The following CKAP4 variants were observed in gnomAD, a reference collection of about 807,000 sequenced individuals.
The protein encoded by CKAP4 is cytoskeleton associated protein 4, also known as cytoskeleton-associated protein 4.
A neutral mutation model predicts 24.4 loss-of-function variants in CKAP4; 20 were observed. The ratio of observed to expected loss-of-function variants is 0.82; its 90% CI spans 0.58 to 1.19. The LOEUF (loss-of-function observed/expected upper bound fraction) is 1.19, where lower values mean the gene tolerates loss of function less well. CKAP4 is among the 50% of genes most tolerant of loss of function. The pLI is 0.00. For synonymous variants in CKAP4, 378 were observed against 351.7 expected (o/e 1.07, Z -0.84); for missense variants, 744 against 765.3 (o/e 0.97, Z 0.33).
rs191134550 is a variant in CKAP4, at chr12:106,238,776, T to C, written c.*248A>G. On this transcript the variant is annotated 3_prime_UTR_variant, in exon 2 of 2. Transcript: ENST00000378026. ...ATTTTTCTCTGACTAGAGACATCCA[T>C]GAAAAGCCACCTGTTATTCACAGGG... 1.2e-3 allele frequency: 576 copies of C among 482,818 alleles called. 4 individuals are homozygous for C. Among genetic ancestry groups the C allele is most frequent in the African/African-American group, 0.01 (525 of 51,938 alleles). The allele number at this position is 482,818 out of a possible 1,614,324, so 29.9% of individuals were successfully genotyped here.
At position 106,247,796 on chromosome 12, in the gene CKAP4, G is replaced by T. The variant is rs1403166282; in HGVS notation, c.56C>A (p.Ser19Ter). The T allele has an allele frequency of 9.5e-7, 1 of 1,052,434 alleles. No individual in the cohort carries two copies. The highest frequency in any genetic ancestry group is 4.5e-4 in the Middle Eastern group (1 of 2,220). 65.2% of individuals were successfully genotyped at this position (1,052,434 alleles called of 1,614,324 possible). The change falls in exon 1 of 2, where the codon TCG (serine) becomes TAG (stop). Residue 19 changes from serine to a stop codon, truncating the protein, a stop_gained. Coordinates refer to ENST00000378026, the MANE Select transcript of CKAP4 (RefSeq NM_006825.4). LOFTEE classifies it high-confidence loss of function. The surrounding 1 kb of genome is among the most constrained non-coding windows in gnomAD (Gnocchi z 4.5). ...GCCCGACGGGTGGGCACCCTTCTCC[G>T]AGGGGCTCGCGGCGCCGTGGCCGCC... is the stretch of plus-strand genomic sequence containing the variant. ...SKGGHGAASP[S>*]EKGAHPSGGA...
chr12:106,245,597 T>TC lies in CKAP4; in HGVS notation c.483+1771_483+1772insG, dbSNP rs895104152. On this transcript the variant is annotated intron_variant, in intron 1 of 1. Transcript: ENST00000378026. ...CAGTTGCTCTGCCAGTCTTTTTTTT[T>TC]TTTTTTTTTTTTTTTGAGACGGAGT... 1.4e-5 allele frequency: 2 copies of TC among 143,678 alleles called. 1 individual carries two copies. The highest frequency in any genetic ancestry group is 5.3e-5 in the African/African-American group (2 of 38,060). 8.9% of individuals were successfully genotyped at this position (143,678 alleles called of 1,614,324 possible).
Position 106,239,132 on chromosome 12 carries a change from T to C in CKAP4, c.1701A>G (p.Ile567Met), listed in dbSNP as rs754501083. The C allele has an allele frequency of 1.9e-6, 3 of 1,613,948 alleles. No individual in the cohort carries two copies. Among genetic ancestry groups the C allele is most frequent in the Admixed American group, 3.3e-5 (2 of 60,010 alleles). ...VDSLVAYSVKIETNENNLESA... is the reference protein window; with the variant it reads ...VDSLVAYSVKMETNENNLESA... ...ATTCCAGATTGTTCTCGTTGGTTTC[T>C]ATTTTGACCGAGTATGCAACCAAAC... Residue 567 changes from isoleucine to methionine, a missense_variant, in exon 2 of 2, where the codon ATA becomes ATG. Transcript: ENST00000378026. The surrounding 1 kb of genome is among the most constrained non-coding windows in gnomAD (Gnocchi z 4.9).
In CKAP4 at chr12:106,243,967, T is replaced by G. The variant is rs1214691420; in HGVS notation, c.483+3402A>C. On this transcript the variant is annotated intron_variant, in intron 1 of 1. Transcript: ENST00000378026. ...TAGTGAACAGTAATTATGAATACTG[T>G]AAGTATACTTCCCTGCTATGAACCA... Among the ~76,000 whole-genome samples the G allele has an allele frequency of 2.6e-5, 4 of 152,196 alleles. No homozygotes were observed. In the East Asian group the frequency reaches 5.8e-4, roughly 22 times the overall value.
At chr12:106,243,296 G>A (rs1208408490) in intron 1 of CKAP4, among the ~76,000 whole-genome samples, 1 of 152,188 alleles carries the variant, frequency 6.6e-6, no homozygotes, top group Non-Finnish European at 1.5e-5. Flanking sequence ...TAAGTGGTAG[G>A]CTCAAACGTT....
chr12:106,244,670 G>T (rs2033993123), intron 1 of CKAP4, among the ~76,000 whole-genome samples: 1 of 152,132 alleles, frequency 6.6e-6, no homozygotes, highest in African/African-American at 2.4e-5. Context: ...CATGCCTGTG[G>T]TCCCAGCTAC....
rs185798200 is a variant in CKAP4, at chr12:106,239,029, C to T, written c.1804G>A (p.Val602Ile). The stretch of plus-strand genomic sequence containing the variant: ...GCCCTGCACACGCAATTCATTTAGA[C>T]CTTTTCGTGAATCTTCTCCACTTTC... ...FVKVEKIHEK[V>I] Residue 602 changes from valine to isoleucine, a missense_variant, in exon 2 of 2, where the codon GTC (valine) becomes ATC (isoleucine). Physicochemically the swap from Val to Ile is conservative, Grantham distance 29 (BLOSUM62 3). Transcript: ENST00000378026. This position sits in a 1 kb window ranked among gnomAD's most constrained non-coding sequence, Gnocchi z 4.9. 1 of 1,612,978 alleles carries T rather than the reference C, an allele frequency of 6.2e-7. No individual in the cohort carries two copies. Among genetic ancestry groups the T allele is most frequent in the Non-Finnish European group, 8.5e-7 (1 of 1,179,096 alleles).
rs1565948138 is a variant in CKAP4, at chr12:106,239,198, T to A, written c.1635A>T (p.Gln545His). Residue 545 changes from glutamine to histidine, a missense_variant, in exon 2 of 2, where the codon CAA becomes CAT. Around this residue, in one of 3 missense-constraint regions of CKAP4, gnomAD observed 401 missense variants for 424.5 expected, o/e 0.94. Coordinates refer to ENST00000378026, the MANE Select transcript of CKAP4 (RefSeq NM_006825.4). This position sits in a 1 kb window ranked among gnomAD's most constrained non-coding sequence, Gnocchi z 4.9. The stretch of plus-strand genomic sequence containing the variant: ...TGAGCATTTTCAAGTCCGCCTCCAC[T>A]TGGCTGACTGAGGCTTTCAGGTTGT... Reference protein sequence around the residue: ...SLDNLKASVSQVEADLKMLRT... With the variant: ...SLDNLKASVSHVEADLKMLRT... 1 of 1,614,184 alleles carries A rather than the reference T, an allele frequency of 6.2e-7. No individual in the cohort carries two copies. The highest frequency in any genetic ancestry group is 2.2e-5 in the East Asian group (1 of 44,886).
Position 106,238,224 on chromosome 12 carries a change from T to A in CKAP4, c.*800A>T, listed in dbSNP as rs928530376. The stretch of plus-strand genomic sequence containing the variant: ...CCCCCTATTCCACTGTAGACAGCTC[T>A]CCTCACGAATTTTTTGAAAGAACCC... On this transcript the variant is annotated 3_prime_UTR_variant, in exon 2 of 2. Coordinates refer to ENST00000378026, the MANE Select transcript of CKAP4 (RefSeq NM_006825.4). 1 of 152,478 alleles carries A rather than the reference T, an allele frequency of 6.6e-6. No individual in the cohort carries two copies. The highest frequency in any genetic ancestry group is 1.5e-5 in the Non-Finnish European group (1 of 68,030). 9.4% of individuals were successfully genotyped at this position (152,478 alleles called of 1,614,324 possible).
At position 106,239,422 on chromosome 12, in the gene CKAP4, T is replaced by C. The variant is rs758259000; in HGVS notation, c.1411A>G (p.Thr471Ala). The C allele has an allele frequency of 2.5e-6, 4 of 1,601,092 alleles. No individual in the cohort carries two copies. The East Asian group carries it at 8.9e-5, about 36-fold the overall frequency. The change falls in exon 2 of 2, where the codon ACG (threonine) becomes GCG (alanine). Residue 471 changes from threonine to alanine, a missense_variant. Around this residue, in one of 3 missense-constraint regions of CKAP4, gnomAD observed 401 missense variants for 424.5 expected, o/e 0.94. Transcript: ENST00000378026. The surrounding 1 kb of genome is among the most constrained non-coding windows in gnomAD (Gnocchi z 4.9). ...TGGGTCTCGCCCAGGCTCCTCACCG[T>C]GCTGGCCAGGCCATCCTGGTCTGCC... ...SEADQDGLAS[T>A]VRSLGETQLV...
rs1205359459 is a variant in CKAP4 at position 106,247,784 on chromosome 12, G to C, written c.68C>G (p.Ala23Gly). Residue 23 changes from alanine to glycine, a missense_variant, in exon 1 of 2, where the codon GCC (alanine) becomes GGC (glycine). Ala to Gly is a moderately conservative substitution (Grantham distance 60, BLOSUM62 0). Coordinates refer to ENST00000378026, the MANE Select transcript of CKAP4 (RefSeq NM_006825.4). This position sits in a 1 kb window ranked among gnomAD's most constrained non-coding sequence, Gnocchi z 4.5. ...GTCATCCGCGCCGCCCGACGGGTGG[G>C]CACCCTTCTCCGAGGGGCTCGCGGC... ...HGAASPSEKG[A>G]HPSGGADDVA... 1.1e-5 allele frequency: 12 copies of C among 1,057,114 alleles called. No homozygotes were observed. The highest frequency in any genetic ancestry group is 1.2e-5 in the Non-Finnish European group (11 of 880,926). 65.5% of individuals were successfully genotyped at this position (1,057,114 alleles called of 1,614,324 possible).
At chr12:106,243,021 T>TC (rs1351942332) in intron 1 of CKAP4, among the ~76,000 whole-genome samples, 1 of 152,276 alleles carries the variant, frequency 6.6e-6, no homozygotes, top group African/African-American at 2.4e-5. Context: ...AAATATCTGT[T>TC]CCCCCAACAA....
At position 106,240,140 on chromosome 12, in the gene CKAP4, C is replaced by T. The variant is rs1388472198; in HGVS notation, c.693G>A (p.Thr231=). The change falls in exon 2 of 2, where the codon ACG becomes ACA. Residue 231 remains threonine (T), a synonymous_variant. Coordinates refer to ENST00000378026, the MANE Select transcript of CKAP4 (RefSeq NM_006825.4). ...GCTCCTCCACCGTGTTCTCCAGGGACGTGAAGTCCCGCTCCCGGGCGTCCT... is the reference window on the plus strand; with the variant it reads ...GCTCCTCCACCGTGTTCTCCAGGGATGTGAAGTCCCGCTCCCGGGCGTCCT... ...VVKDARERDF[T]SLENTVEERL... The T allele has an allele frequency of 5.6e-6, 9 of 1,614,078 alleles. No homozygotes were observed. Among genetic ancestry groups the T allele is most frequent in the Middle Eastern group, 1.6e-4 (1 of 6,084 alleles).
In CKAP4 at chr12:106,247,785, C is replaced by G; in HGVS notation, c.67G>C (p.Ala23Pro). ...HGAASPSEKG[A>P]HPSGGADDVA... ...TCATCCGCGCCGCCCGACGGGTGGG[C>G]ACCCTTCTCCGAGGGGCTCGCGGCG... Residue 23 changes from alanine to proline, a missense_variant, in exon 1 of 2, where the codon GCC becomes CCC. Physicochemically the swap from Ala to Pro is conservative, Grantham distance 27. Transcript: ENST00000378026. This position sits in a 1 kb window ranked among gnomAD's most constrained non-coding sequence, Gnocchi z 4.5. 9.5e-7 allele frequency: 1 copy of G among 1,057,072 alleles called. No homozygotes were observed. Among genetic ancestry groups the G allele is most frequent in the Non-Finnish European group, 1.1e-6 (1 of 880,788 alleles). 65.5% of individuals were successfully genotyped at this position (1,057,072 alleles called of 1,614,324 possible). A position where few individuals can be genotyped will look rare whatever the true frequency, so the allele number is the denominator to read the frequency against.
chr12:106,242,468 G>A (rs185097494), intron 1 of CKAP4, among the ~76,000 whole-genome samples: 2 of 152,256 alleles, frequency 1.3e-5, no homozygotes, highest in Admixed American at 6.5e-5. Flanking sequence ...TTCACTTTCC[G>A]AGTCCCAGGC....
In CKAP4 at chr12:106,238,797, C is replaced by G; in HGVS notation, c.*227G>C. ...TCCATGAAAAGCCACCTGTTATTCA[C>G]AGGGGCTGCGCTTCAGGAAACCAAC... On this transcript the variant is annotated 3_prime_UTR_variant, in exon 2 of 2. Coordinates refer to ENST00000378026, the MANE Select transcript of CKAP4 (RefSeq NM_006825.4). 1 of 529,614 alleles carries G rather than the reference C, an allele frequency of 1.9e-6. No homozygotes were observed. 32.8% of individuals were successfully genotyped at this position (529,614 alleles called of 1,614,324 possible). A position where few individuals can be genotyped will look rare whatever the true frequency, so the allele number is the denominator to read the frequency against.
At position 106,247,593 on chromosome 12, in the gene CKAP4, C is replaced by T; in HGVS notation, c.259G>A (p.Ala87Thr). The T allele has an allele frequency of 1.5e-6, 2 of 1,311,914 alleles. No individual in the cohort carries two copies. Among genetic ancestry groups the T allele is most frequent in the Non-Finnish European group, 2.0e-6 (2 of 1,020,780 alleles). 81.3% of individuals were successfully genotyped at this position (1,311,914 alleles called of 1,614,324 possible). ...GKSSSSSSAS[A>T]AAAAAAASSS... ...GAGGCGGCGGCGGCGGCAGCGGCGG[C>T]GGAGGCGGAGGAGGAGGAGGAGGAC... Residue 87 changes from alanine to threonine, a missense_variant, in exon 1 of 2, where the codon GCC becomes ACC. This residue lies in a region of CKAP4 where 300 missense variants were observed against 264.5 expected (regional missense o/e 1.13). Transcript: ENST00000378026. This position sits in a 1 kb window ranked among gnomAD's most constrained non-coding sequence, Gnocchi z 4.5.
intron 1 of CKAP4, 152 bp from the exon 2 acceptor site, chr12:106,240,501 A>G (rs1360723785): frequency 2.3e-6 from 2 of 885,464 alleles, no homozygotes; most frequent in Non-Finnish European, 3.4e-6. Context: ...CATATAGTCC[A>G]TATGGTTTTA....
Position 106,239,574 on chromosome 12 carries a change from A to G in CKAP4, c.1259T>C (p.Val420Ala). ...DSRLQHVEDGVLSMQVASARQ... is the reference protein window; with the variant it reads ...DSRLQHVEDGALSMQVASARQ... ...CGCAGAAGCCACCTGCATGGAGAGCACCCCATCCTCCACGTGCTGGAGCCT... is the reference window on the plus strand; with the variant it reads ...CGCAGAAGCCACCTGCATGGAGAGCGCCCCATCCTCCACGTGCTGGAGCCT... Residue 420 changes from valine (V) to alanine (A), a missense_variant, in exon 2 of 2, where the codon GTG becomes GCG. Around this residue, in one of 3 missense-constraint regions of CKAP4, gnomAD observed 401 missense variants for 424.5 expected, o/e 0.94. Transcript: ENST00000378026. The surrounding 1 kb of genome is among the most constrained non-coding windows in gnomAD (Gnocchi z 4.9). 6.2e-7 allele frequency: 1 copy of G among 1,613,744 alleles called. No individual in the cohort carries two copies. Among genetic ancestry groups the G allele is most frequent in the Non-Finnish European group, 8.5e-7 (1 of 1,179,956 alleles).
Sources: allele counts gnomAD v4.1 joint callset (sites outside exome capture counted in the v4.1 genomes callset), GRCh38; gene constraint gnomAD v4.1.1; regional missense constraint gnomAD v4.1.1; non-coding constraint Gnocchi (gnomAD v3.1); transcripts MANE v1.5; gene names NCBI Gene and HGNC (gene_info 2026-07-23, HGNC 2026-07-21).